The following DHX30 variants were observed in gnomAD, a reference collection of about 807,000 sequenced individuals.
DHX30 encodes ATP-dependent RNA helicase DHX30.
DHX30 carries 4 observed loss-of-function variants against 116.9 expected under a neutral mutation model. The ratio of observed to expected loss-of-function variants is 0.03; its 90% CI spans 0.02 to 0.08. The LOEUF (loss-of-function observed/expected upper bound fraction) is 0.08. Ranked by LOEUF, DHX30 falls within the 10% of genes least tolerant of loss-of-function variation. The probability of loss-of-function intolerance (pLI) is 1.00; values close to 1 mark genes in which losing one functional copy is unlikely to be tolerated. For synonymous variants in DHX30, 697 were observed against 651.7 expected (o/e 1.07, Z -1.06); for missense variants, 871 against 1,595.1 (o/e 0.55, Z 7.73).
At chr3:47,829,462 G>A (rs1453014107) in intron 6 of DHX30, among the ~76,000 whole-genome samples, 1 of 150,240 alleles carries the variant, frequency 6.7e-6, no homozygotes, top group East Asian at 2.0e-4. Context: ...TCATGCCTTA[G>A]CCTCCCAAGT....
intron 3 of DHX30, among the ~76,000 whole-genome samples, chr3:47,817,727 T>TA (rs764136269): frequency 3.3e-5 from 5 of 152,192 alleles, no homozygotes; most frequent in Non-Finnish European, 5.9e-5. Context: ...CCTCACAACT[T>TA]AAGACTAAGA....
At chr3:47,844,701 A>G (rs566164074) in intron 9 of DHX30, among the ~76,000 whole-genome samples, 3 of 152,228 alleles carry the variant, frequency 2.0e-5, no homozygotes, top group South Asian at 4.1e-4. Flanking sequence ...TCCAGCCATT[A>G]GAGGTGACAG....
intron 2 of DHX30, 35 bp downstream of exon 2, chr3:47,805,455 G>T (rs2035473888): frequency 7.5e-6 from 3 of 398,996 alleles, no homozygotes; most frequent in Non-Finnish European, 8.8e-6. Context: ...AGCAGTGGTG[G>T]ATCTGATGCT....
intron 4 of DHX30, chr3:47,825,076 G>C (rs1576481816): frequency 1.5e-6 from 1 of 667,800 alleles, no homozygotes; most frequent in Non-Finnish European, 2.7e-6. Context: ...GCTGGCCGCC[G>C]GCATCTCTCC....
At chr3:47,815,836 C>T in intron 3 of DHX30, 7 of 733,616 alleles carry the variant, frequency 9.5e-6, no homozygotes, top group Non-Finnish European at 9.9e-6. Context: ...TCTCCAGGTA[C>T]ATGGTCAGAA....
At position 47,849,857 on chromosome 3, in the gene DHX30, A is replaced by G. The variant is rs1346635169; in HGVS notation, c.3332-10A>G. ...ACCACAGTTCCCCACCATCTTTTCC[A>G]TTCCCTCAGATGACGGGCGCCGGGC... is the stretch of plus-strand genomic sequence containing the variant. On this transcript the variant is annotated splice_polypyrimidine_tract_variant and intron_variant, in intron 21 of 21. Coordinates refer to ENST00000445061, the MANE Select transcript of DHX30 (RefSeq NM_138615.3). The G allele has an allele frequency of 1.2e-6, 2 of 1,611,122 alleles. No homozygotes were observed. Among genetic ancestry groups the G allele is most frequent in the South Asian group, 1.1e-5 (1 of 90,932 alleles).
chr3:47,849,199 C>A lies in DHX30; in HGVS notation c.2937C>A (p.Ile979=), dbSNP rs1370496346. The A allele has an allele frequency of 6.2e-7, 1 of 1,613,982 alleles. No homozygotes were observed. The highest frequency in any genetic ancestry group is 1.1e-5 in the South Asian group (1 of 91,076). The change falls in exon 19 of 22, where the codon ATC becomes ATA. Residue 979 remains isoleucine, a synonymous_variant. Transcript: ENST00000445061. ...APSLRFIHGL[I]KQFSENIYEA... ...CACATTCTGTCTCCCTAGGACTCATCAAGCAGTTCTCAGAGAACATTTATG... is the reference window on the plus strand; with the variant it reads ...CACATTCTGTCTCCCTAGGACTCATAAAGCAGTTCTCAGAGAACATTTATG...
intron 9 of DHX30, among the ~76,000 whole-genome samples, chr3:47,844,283 T>G (rs1438767715): frequency 6.6e-6 from 1 of 151,888 alleles, no homozygotes; most frequent in Non-Finnish European, 1.5e-5. Context: ...AGGCAATTGG[T>G]GAGATAAAGA....
chr3:47,838,754 A>C (rs2037234387), intron 6 of DHX30, among the ~76,000 whole-genome samples: 1 of 152,152 alleles, frequency 6.6e-6, no homozygotes, highest in African/African-American at 2.4e-5. Context: ...AGCTCCTGCA[A>C]CCTGTGCTTT....
rs1315901480 is a variant in DHX30, at chr3:47,849,443, C to T, written c.3088-8C>T. ...CAGCCCCACCCGTCTTTTCCTCCAT[C>T]CCTGCAGGTGAGGCAGGGCAAGGTC... On this transcript the variant is annotated splice_region_variant and splice_polypyrimidine_tract_variant and intron_variant, in intron 19 of 21. Transcript: ENST00000445061. 6.4e-7 allele frequency: 1 copy of T among 1,570,874 alleles called. No individual in the cohort carries two copies. The highest frequency in any genetic ancestry group is 1.2e-5 in the South Asian group (1 of 84,114).
intron 2 of DHX30, among the ~76,000 whole-genome samples, chr3:47,809,990 T>C (rs190772104): frequency 8.5e-5 from 13 of 152,330 alleles, no homozygotes; most frequent in African/African-American, 3.1e-4. Context: ...TAGTCCTCAG[T>C]TAAATATACT....
rs1036081276 is a variant in DHX30 at position 47,816,573 on chromosome 3, G to A, written c.29-1449G>A. The stretch of plus-strand genomic sequence containing the variant: ...GGGTTTCACCATGTTGGCCAGGATG[G>A]TCTCGATCTCTTGACCTTGTGATCC... On this transcript the variant is annotated intron_variant, in intron 3 of 21. Transcript: ENST00000445061. 4.1e-6 allele frequency: 4 copies of A among 968,950 alleles called. No individual in the cohort carries two copies. In the African/African-American group the frequency reaches 5.3e-5, roughly 13 times the overall value. 60.0% of individuals were successfully genotyped at this position (968,950 alleles called of 1,614,324 possible).
chr3:47,845,932 G>A (rs548954335), intron 10 of DHX30, 80 bp downstream of exon 10: 43 of 1,526,106 alleles, frequency 2.8e-5, no homozygotes, highest in East Asian at 1.8e-4. Flanking sequence ...CTCCACCTGC[G>A]ACAGGCAGTA....
intron 4 of DHX30, among the ~76,000 whole-genome samples, chr3:47,823,429 T>TCTCGGCTCACTGCAAC (rs1396023028): frequency 1.4e-5 from 2 of 147,444 alleles, no homozygotes; most frequent in African/African-American, 5.0e-5. Flanking sequence ...AGTGGCGCAA[T>TCTCGGCTCACTGCAAC]CTCGGCTCAC....
chr3:47,847,725 AGG>A lies in DHX30; in HGVS notation c.2111-51_2111-50del. 1 of 1,580,014 alleles carries A rather than the reference AGG, an allele frequency of 6.3e-7. No individual in the cohort carries two copies. Among genetic ancestry groups the A allele is most frequent in the South Asian group, 1.1e-5 (1 of 87,434 alleles). Reference sequence around the variant, plus strand: ...AAAATCCTTGCCCTGCCCACATTCCAGGGGGGAATTCTGGTGGAAGCAGTGCC... The same window carrying A: ...AAAATCCTTGCCCTGCCCACATTCCAGGGGAATTCTGGTGGAAGCAGTGCC... On this transcript the variant is annotated intron_variant, in intron 13 of 21. Coordinates refer to ENST00000445061, the MANE Select transcript of DHX30 (RefSeq NM_138615.3). This position sits in a 1 kb window ranked among gnomAD's most constrained non-coding sequence, Gnocchi z 5.5.
intron 3 of DHX30, among the ~76,000 whole-genome samples, chr3:47,812,385 C>T (rs923275956): frequency 7.9e-5 from 12 of 151,186 alleles, no homozygotes; most frequent in African/African-American, 2.4e-4. Context: ...TGATGAGACC[C>T]GTCTCTACTA....
chr3:47,811,585 G>A (rs949246490), intron 3 of DHX30, among the ~76,000 whole-genome samples: 1 of 152,168 alleles, frequency 6.6e-6, no homozygotes, highest in Non-Finnish European at 1.5e-5. Context: ...TAATTTATAA[G>A]AAAAGAGGTT....
intron 6 of DHX30, among the ~76,000 whole-genome samples, chr3:47,835,726 G>A (rs2107078952): frequency 6.6e-6 from 1 of 152,380 alleles, no homozygotes; most frequent in East Asian, 1.9e-4. Flanking sequence ...ATAGGCATGA[G>A]CCACTGTGCC....
intron 5 of DHX30, 149 bp downstream of exon 5, chr3:47,827,626 T>G: frequency 5.3e-6 from 6 of 1,140,280 alleles, no homozygotes; most frequent in Non-Finnish European, 6.0e-6. Flanking sequence ...AAAGCTAGGT[T>G]TGAAGAAGAG....
Sources: allele counts gnomAD v4.1 joint callset (sites outside exome capture counted in the v4.1 genomes callset), GRCh38; gene constraint gnomAD v4.1.1; non-coding constraint Gnocchi (gnomAD v3.1); transcripts MANE v1.5; gene names NCBI Gene and HGNC (gene_info 2026-07-23, HGNC 2026-07-21).